Variants in RNF17 observed in about 807,000 individuals in gnomAD.
RNF17 encodes ring finger protein 17.
Under a neutral mutation model 200.5 loss-of-function variants are expected in RNF17, and 31 were observed. The ratio of observed to expected loss-of-function variants is 0.15; its 90% confidence interval spans 0.12 to 0.21. RNF17 has a LOEUF of 0.21. Ranked by LOEUF, RNF17 falls within the 10% of genes least tolerant of loss-of-function variation. RNF17 has a pLI of 1.00. For missense variants in RNF17, 1,628 were observed against 1,905.1 expected (o/e 0.85, Z 2.71); for synonymous variants, 606 against 637.8 (o/e 0.95, Z 0.75).
chr13:24,782,575 C>G (rs537153644), intron 6 of RNF17, among the ~76,000 whole-genome samples: 2 of 148,890 alleles, frequency 1.3e-5, no homozygotes, highest in South Asian at 2.2e-4. Context: ...TGGTGATCAT[C>G]CTGTCTAAGC....
chr13:24,851,623 T>C (rs761881358), intron 24 of RNF17, 52 bp downstream of exon 24: 2 of 1,048,084 alleles, frequency 1.9e-6, no homozygotes, highest in East Asian at 2.5e-5. Flanking sequence ...GATGCCTCAG[T>C]TGCGTGTGCA....
chr13:24,837,901 C>A (rs940888493), intron 18 of RNF17, among the ~76,000 whole-genome samples: 50 of 152,092 alleles, frequency 3.3e-4, no homozygotes, highest in African/African-American at 1.2e-3. Context: ...AAAGCTGGTT[C>A]TTTGAAAAGG....
Position 24,843,808 on chromosome 13 carries a change from A to G in RNF17, c.2668A>G (p.Ile890Val), listed in dbSNP as rs1368396960. 6.2e-7 allele frequency: 1 copy of G among 1,610,100 alleles called. No individual in the cohort carries two copies. The highest frequency in any genetic ancestry group is 1.1e-5 in the South Asian group (1 of 90,532). ...EVWDPSPEEI[I>V]SNEVHNLNPV... The stretch of plus-strand genomic sequence containing the variant: ...TTGGGATCCTTCTCCAGAAGAAATT[A>G]TTTCAAATGAAGTACACAACTTAAA... The change falls in exon 20 of 36, where the codon ATT becomes GTT. Residue 890 changes from isoleucine to valine, a missense_variant. Around this residue, in one of 5 missense-constraint regions of RNF17, gnomAD observed 227 missense variants for 319.8 expected, o/e 0.71. Coordinates refer to ENST00000255324, the MANE Select transcript of RNF17 (RefSeq NM_031277.3).
chr13:24,823,440 A>G (rs1186292098), intron 15 of RNF17, among the ~76,000 whole-genome samples: 1 of 151,134 alleles, frequency 6.6e-6, no homozygotes, highest in South Asian at 2.1e-4. Context: ...TTCAAAGACC[A>G]TTCCTTGTCA....
chr13:24,794,639 C>A (rs1020193568), intron 10 of RNF17, among the ~76,000 whole-genome samples: 6 of 151,868 alleles, frequency 4.0e-5, no homozygotes, highest in Non-Finnish European at 7.4e-5. Flanking sequence ...CCCACCACTG[C>A]ACTCCACCCT....
chr13:24,881,714 C>T (rs56188606), downstream of RNF17, among the ~76,000 whole-genome samples: 115,863 of 147,512 alleles, frequency 0.79, 45,885 homozygotes, highest in East Asian at 0.85. Flanking sequence ...TCTAGGTATA[C>T]AGATATATCT....
chr13:24,754,153 C>T, the RNF17 span, among the ~76,000 whole-genome samples: 2 of 145,450 alleles, frequency 1.4e-5, no homozygotes, highest in African/African-American at 5.1e-5. Context: ...GCCAGACTGT[C>T]TCAAAAATAA....
At chr13:24,857,483 C>T (rs925734733) in intron 25 of RNF17, among the ~76,000 whole-genome samples, 1 of 152,148 alleles carries the variant, frequency 6.6e-6, no homozygotes, top group Non-Finnish European at 1.5e-5. Context: ...CATAAATTAA[C>T]CTGCTTTCCA....
intron 1 of RNF17, among the ~76,000 whole-genome samples, chr13:24,765,699 A>G (rs769761122): frequency 7.0e-4 from 106 of 152,376 alleles, no homozygotes; most frequent in Admixed American, 5.0e-3. Context: ...TAGAAAAACT[A>G]AACTGGAGAA....
At chr13:24,771,187 G>A (rs1053838170) in intron 2 of RNF17, among the ~76,000 whole-genome samples, 2 of 151,958 alleles carry the variant, frequency 1.3e-5, no homozygotes, top group South Asian at 4.2e-4. Context: ...GTCTTGCTCT[G>A]TTCCCCCAGA....
Position 24,850,551 on chromosome 13 carries a change from T to G in RNF17, c.3204+108T>G, listed in dbSNP as rs1179836625. 2.4e-5 allele frequency: 18 copies of G among 735,206 alleles called. No individual in the cohort carries two copies. In the Admixed American group the frequency reaches 4.9e-4, roughly 20 times the overall value. 45.5% of individuals were successfully genotyped at this position (735,206 alleles called of 1,614,324 possible). A position where few individuals can be genotyped will look rare whatever the true frequency, so the allele number is the denominator to read the frequency against. On this transcript the variant is annotated intron_variant, in intron 23 of 35. Transcript: ENST00000255324. Reference sequence around the variant, plus strand: ...TAGCAGCCAACTATTTGGATTTTGTTACAAATTTTGTCGGTTTTATTTCAA... The same window carrying G: ...TAGCAGCCAACTATTTGGATTTTGTGACAAATTTTGTCGGTTTTATTTCAA...
At chr13:24,751,889 A>G in the RNF17 span, 2 of 152,176 alleles carry the variant, frequency 1.3e-5, no homozygotes, top group Non-Finnish European at 1.5e-5. Flanking sequence ...TAAAGACAGT[A>G]ATATTTTGTT....
the RNF17 span, chr13:24,885,362 C>T: frequency 6.2e-7 from 1 of 1,613,832 alleles, no homozygotes; most frequent in Non-Finnish European, 8.5e-7. Context: ...TTCAGTGGTT[C>T]AAGTGGCTCC....
chr13:24,836,362 G>A (rs1388550828), intron 18 of RNF17, among the ~76,000 whole-genome samples: 1 of 152,150 alleles, frequency 6.6e-6, no homozygotes, highest in African/African-American at 2.4e-5. Context: ...GCACAAAGAA[G>A]ACCTGGGAAA....
chr13:24,882,986 G>GTGAATTA, downstream of RNF17: 1 of 604,398 alleles, frequency 1.7e-6, no homozygotes, highest in South Asian at 2.0e-5. Flanking sequence ...AGACAGGGTA[G>GTGAATTA]TGAATTATAA....
intron 32 of RNF17, among the ~76,000 whole-genome samples, chr13:24,872,873 AAG>A (rs1894444600): frequency 1.3e-5 from 2 of 152,110 alleles, no homozygotes; most frequent in African/African-American, 2.4e-5. Flanking sequence ...ACTTTAGATG[AAG>A]GGGGACAGCC....
chr13:24,871,461 C>T (rs560062757), intron 32 of RNF17, among the ~76,000 whole-genome samples: 2 of 152,172 alleles, frequency 1.3e-5, no homozygotes, highest in African/African-American at 4.8e-5. Flanking sequence ...CCTCAGCCTC[C>T]CAAGTAGTTG....
intron 2 of RNF17, 121 bp downstream of exon 2, chr13:24,767,487 C>G (rs576082402): frequency 2.2e-5 from 14 of 632,158 alleles, no homozygotes; most frequent in Non-Finnish European, 3.3e-5. Flanking sequence ...TGGTGGCTGA[C>G]GCCTGTAATC....
At chr13:24,797,908 A>G (rs1788716907) in intron 11 of RNF17, among the ~76,000 whole-genome samples, 1 of 152,168 alleles carries the variant, frequency 6.6e-6, no homozygotes, top group South Asian at 2.1e-4. Context: ...TGATAACTAT[A>G]CAAATACATG....
Sources: allele counts gnomAD v4.1 joint callset (sites outside exome capture counted in the v4.1 genomes callset), GRCh38; gene constraint gnomAD v4.1.1; regional missense constraint gnomAD v4.1.1; transcripts MANE v1.5; gene names NCBI Gene and HGNC (gene_info 2026-07-23, HGNC 2026-07-21).